The following SPEG variants were observed in gnomAD, a reference collection of about 807,000 sequenced individuals.
SPEG encodes striated muscle enriched protein kinase, also known as striated muscle preferentially expressed protein kinase.
Under a neutral mutation model 300.4 loss-of-function variants are expected in SPEG, and 114 were observed. That is an observed-to-expected ratio of 0.38 (90% CI 0.33 to 0.44). The LOEUF is 0.44. Ranked by LOEUF, SPEG falls within the 20% of genes least tolerant of loss-of-function variation. The probability of loss-of-function intolerance (pLI) is 1.00; values close to 1 mark genes in which losing one functional copy is unlikely to be tolerated. For synonymous variants in SPEG, 1,964 were observed against 2,018.9 expected, an observed-to-expected ratio of 0.97 and a Z score of 0.73; for missense variants, 4,201 against 4,586.2, an observed-to-expected ratio of 0.92 and a Z score of 2.43.
rs1691344130 is a variant in SPEG, at chr2:219,466,253, C to G, written c.2882-921C>G. On this transcript the variant is annotated intron_variant, in intron 9 of 40. Transcript: ENST00000312358. Reference sequence around the variant, plus strand: ...GGGATAGCCCATGGGCCCCTGTGGACCCTCCCTCCCCAAGTGGACACATGG... The same window carrying G: ...GGGATAGCCCATGGGCCCCTGTGGAGCCTCCCTCCCCAAGTGGACACATGG... 4 of 1,433,352 alleles carry G rather than the reference C, an allele frequency of 2.8e-6. No homozygotes were observed. In the African/African-American group the frequency reaches 5.7e-5, roughly 21 times the overall value. 88.8% of individuals were successfully genotyped at this position (1,433,352 alleles called of 1,614,324 possible). A position where few individuals can be genotyped will look rare whatever the true frequency, so the allele number is the denominator to read the frequency against.
At chr2:219,447,446 A>G (rs1689389472) in intron 3 of SPEG, among the ~76,000 whole-genome samples, 1 of 151,886 alleles carries the variant, frequency 6.6e-6, no homozygotes, top group East Asian at 1.9e-4. Flanking sequence ...GCCCCCCAAA[A>G]GGCTTGTGCC....
At position 219,477,036 on chromosome 2, in the gene SPEG, G is replaced by A. The variant is rs923798483; in HGVS notation, c.4560+54G>A. On this transcript the variant is annotated intron_variant, in intron 19 of 40. Coordinates refer to ENST00000312358, the MANE Select transcript of SPEG (RefSeq NM_005876.5). The surrounding 1 kb of genome is among the most constrained non-coding windows in gnomAD (Gnocchi z 6.4). The stretch of plus-strand genomic sequence containing the variant: ...GGGAGGGAGGAGGGGCTCCCTGGGG[G>A]CGTGGGAGGGTCCTGGAAGGCCTTA... 3.5e-5 allele frequency: 51 copies of A among 1,464,992 alleles called. No homozygotes were observed. Among genetic ancestry groups the A allele is most frequent in the Non-Finnish European group, 4.2e-5 (45 of 1,067,398 alleles). The allele number at this position is 1,464,992 out of a possible 1,614,324, so 90.7% of individuals were successfully genotyped here.
intron 39 of SPEG, 49 bp downstream of exon 39, chr2:219,491,918 TC>T: frequency 6.7e-7 from 1 of 1,498,064 alleles, no homozygotes; most frequent in Middle Eastern, 1.7e-4. Flanking sequence ...TACAGTGAGC[TC>T]CCGGACTCAC....
rs1484782681 is a variant in SPEG at position 219,448,634 on chromosome 2, G to A, written c.1476G>A (p.Leu492=). 23 of 1,484,244 alleles carry A rather than the reference G, an allele frequency of 1.5e-5. No individual in the cohort carries two copies. The East Asian group carries it at 5.7e-4, about 37-fold the overall frequency. The allele number at this position is 1,484,244 out of a possible 1,614,324, so 91.9% of individuals were successfully genotyped here. A position where few individuals can be genotyped will look rare whatever the true frequency, so the allele number is the denominator to read the frequency against. ...GCAGCCCGGCCTCAGACCTCGAGCT[G>A]CGCTTCGCCCAGGAGCTGGGCCGCA... ...RQRSPASDLE[L]RFAQELGRIR... The change falls in exon 4 of 41, where the codon CTG becomes CTA. Residue 492 remains leucine, a synonymous_variant. Coordinates refer to ENST00000312358, the MANE Select transcript of SPEG (RefSeq NM_005876.5).
At chr2:219,435,422 G>A (rs1954691534) in intron 1 of SPEG, 57 bp downstream of exon 1, 1 of 1,478,630 alleles carries the variant, frequency 6.8e-7, no homozygotes, top group Non-Finnish European at 8.9e-7. Flanking sequence ...AGGTAGAAAA[G>A]GGCTGCCCAG....
intron 3 of SPEG, among the ~76,000 whole-genome samples, chr2:219,447,330 C>A (rs1381735467): frequency 1.3e-5 from 2 of 152,204 alleles, no homozygotes; most frequent in African/African-American, 4.8e-5. Context: ...AGAGTAGGAG[C>A]CTGGGCATCC....
At chr2:219,483,001 G>A in intron 29 of SPEG, 97 bp from the exon 30 acceptor site, 1 of 1,435,408 alleles carries the variant, frequency 7.0e-7, no homozygotes, top group Non-Finnish European at 9.6e-7. Context: ...CTGACCCTCT[G>A]CATGCTCAGG....
Position 219,477,060 on chromosome 2 carries a change from TAGG to T in SPEG, c.4560+82_4560+84del, listed in dbSNP as rs1243232059. 3.0e-6 allele frequency: 4 copies of T among 1,320,134 alleles called. No homozygotes were observed. The highest frequency in any genetic ancestry group is 4.2e-6 in the Non-Finnish European group (4 of 954,734). 81.8% of individuals were successfully genotyped at this position (1,320,134 alleles called of 1,614,324 possible). On this transcript the variant is annotated intron_variant, in intron 19 of 40. Coordinates refer to ENST00000312358, the MANE Select transcript of SPEG (RefSeq NM_005876.5). The surrounding 1 kb of genome is among the most constrained non-coding windows in gnomAD (Gnocchi z 6.4). ...GGCGTGGGAGGGTCCTGGAAGGCCT[TAGG>T]AGGGCGGAGCCCGGGCAGAGGCGTG...
chr2:219,449,658 C>T (rs1407457255), intron 4 of SPEG, among the ~76,000 whole-genome samples: 1 of 152,150 alleles, frequency 6.6e-6, no homozygotes, highest in South Asian at 2.1e-4. Flanking sequence ...CTCCATACCC[C>T]CAATCCCTCT....
chr2:219,472,351 G>A lies in SPEG; in HGVS notation c.3940+20G>A. ...CCATCGGTGGGTCAGGGCTGCACAG[G>A]GCCATGGGTGGGGAAGGGGTGTGGA... On this transcript the variant is annotated intron_variant, in intron 15 of 40. Transcript: ENST00000312358. 6.3e-7 allele frequency: 1 copy of A among 1,599,652 alleles called. No individual in the cohort carries two copies. The highest frequency in any genetic ancestry group is 8.6e-7 in the Non-Finnish European group (1 of 1,167,750).
At position 219,445,013 on chromosome 2, in the gene SPEG, C is replaced by T. The variant is rs1689175417; in HGVS notation, c.667C>T (p.Arg223Trp). ...AGCACAGGCAACCGGGGCCGGGCCACGGCACCTGGGGGTGGAGCCGCTGGT... is the reference window on the plus strand; with the variant it reads ...AGCACAGGCAACCGGGGCCGGGCCATGGCACCTGGGGGTGGAGCCGCTGGT... ...RQAQATGAGP[R>W]HLGVEPLVRA... The change falls in exon 3 of 41, where the codon CGG becomes TGG. Residue 223 changes from arginine to tryptophan, a missense_variant. Physicochemically the swap from Arg to Trp is moderately radical, Grantham distance 101. This residue lies in a region of SPEG where 1,258 missense variants were observed against 1,293.9 expected (regional missense o/e 0.97). Coordinates refer to ENST00000312358, the MANE Select transcript of SPEG (RefSeq NM_005876.5). The surrounding 1 kb of genome is among the most constrained non-coding windows in gnomAD (Gnocchi z 6.1). The T allele has an allele frequency of 1.2e-6, 2 of 1,609,980 alleles. No individual in the cohort carries two copies. Among genetic ancestry groups the T allele is most frequent in the South Asian group, 2.2e-5 (2 of 90,834 alleles).
chr2:219,492,645 C>T lies in SPEG; in HGVS notation c.9663C>T (p.Ala3221=). ...TGGCCCACCCATGGTTGCAGGACGC[C>T]TACCTGATGAAGCTGCGCCGCCAGA... ...DCLAHPWLQD[A]YLMKLRRQTL... is the part of the protein sequence containing the mutation. Residue 3221 remains alanine (A), a synonymous_variant, in exon 41 of 41, where the codon GCC becomes GCT. Transcript: ENST00000312358. 1 of 1,611,408 alleles carries T rather than the reference C, an allele frequency of 6.2e-7. No homozygotes were observed. Among genetic ancestry groups the T allele is most frequent in the Non-Finnish European group, 8.5e-7 (1 of 1,180,010 alleles).
Position 219,443,434 on chromosome 2 carries a change from G to T in SPEG, c.389-1219G>T. 2.0e-6 allele frequency: 1 copy of T among 496,518 alleles called. No homozygotes were observed. Among genetic ancestry groups the T allele is most frequent in the Non-Finnish European group, 3.6e-6 (1 of 275,648 alleles). 30.8% of individuals were successfully genotyped at this position (496,518 alleles called of 1,614,324 possible). ...GGAAGGAGTTCATTGCCATGCTTTG[G>T]CAACCAGTACGTGGCTCCTGCTTGT... is the stretch of plus-strand genomic sequence containing the variant. On this transcript the variant is annotated intron_variant, in intron 1 of 40. Coordinates refer to ENST00000312358, the MANE Select transcript of SPEG (RefSeq NM_005876.5). The surrounding 1 kb of genome is among the most constrained non-coding windows in gnomAD (Gnocchi z 4.6).
intron 6 of SPEG, among the ~76,000 whole-genome samples, chr2:219,456,938 AAAAAAAGAAAAG>A (rs978330521): frequency 3.9e-5 from 2 of 50,812 alleles, no homozygotes; most frequent in African/African-American, 7.5e-5. Context: ...AAGAAAAAGA[AAAAAAAGAAAAG>A]AAAAAAGAAA....
Position 219,460,944 on chromosome 2 carries a change from G to T in SPEG, c.2441-938G>T. On this transcript the variant is annotated intron_variant, in intron 6 of 40. Transcript: ENST00000312358. The stretch of plus-strand genomic sequence containing the variant: ...CAGGCAGCAGGAGGGCCTGGTGCCA[G>T]GGCAGAGCCTTCAGGACAGGCACAG... The T allele has an allele frequency of 4.1e-6, 4 of 986,118 alleles. No individual in the cohort carries two copies. The South Asian group carries it at 1.4e-4, about 35-fold the overall frequency. The allele number at this position is 986,118 out of a possible 1,614,324, so 61.1% of individuals were successfully genotyped here.
intron 1 of SPEG, among the ~76,000 whole-genome samples, chr2:219,442,740 A>C (rs1575037893): frequency 1.6e-5 from 2 of 123,988 alleles, no homozygotes; most frequent in African/African-American, 3.2e-5. Context: ...CCTTCTCCTC[A>C]CTGAGCCTGA....
In SPEG at chr2:219,449,211, C is replaced by T. The variant is rs767316023; in HGVS notation, c.2053C>T (p.Arg685Cys). The change falls in exon 4 of 41, where the codon CGC becomes TGC. Residue 685 changes from arginine (R) to cysteine (C), a missense_variant. Physicochemically the swap from Arg to Cys is radical, Grantham distance 180. Around this residue, in one of 4 missense-constraint regions of SPEG, gnomAD observed 1,258 missense variants for 1,293.9 expected, o/e 0.97. Coordinates refer to ENST00000312358, the MANE Select transcript of SPEG (RefSeq NM_005876.5). ...EEDGPWGPWD[R>C]RGARSQGKGR... Reference sequence around the variant, plus strand: ...GGACGGTCCCTGGGGGCCCTGGGACCGCCGAGGGGCCCGCAGCCAGGGCAA... The same window carrying T: ...GGACGGTCCCTGGGGGCCCTGGGACTGCCGAGGGGCCCGCAGCCAGGGCAA... 1.4e-6 allele frequency: 2 copies of T among 1,392,336 alleles called. No homozygotes were observed. The highest frequency in any genetic ancestry group is 3.1e-5 in the East Asian group (1 of 32,566). 86.2% of individuals were successfully genotyped at this position (1,392,336 alleles called of 1,614,324 possible). A position where few individuals can be genotyped will look rare whatever the true frequency, so the allele number is the denominator to read the frequency against.
intron 31 of SPEG, among the ~76,000 whole-genome samples, chr2:219,487,903 C>T (rs1693591515): frequency 6.6e-6 from 1 of 152,198 alleles, no homozygotes; most frequent in Non-Finnish European, 1.5e-5. Context: ...TTACTTAGTG[C>T]CAGGCCCTGC....
chr2:219,479,018 C>G lies in SPEG; in HGVS notation c.5028-126C>G, dbSNP rs1189333777. On this transcript the variant is annotated intron_variant, in intron 22 of 40. Transcript: ENST00000312358. This position sits in a 1 kb window ranked among gnomAD's most constrained non-coding sequence, Gnocchi z 5.5. ...ACACGTGGAGGAGCGGAGAGGCAGT[C>G]TCTGGCTAGTATCAAGCATTCTGTA... 1 of 791,672 alleles carries G rather than the reference C, an allele frequency of 1.3e-6. No homozygotes were observed. The highest frequency in any genetic ancestry group is 1.7e-5 in the African/African-American group (1 of 59,334). The allele number at this position is 791,672 out of a possible 1,614,324, so 49.0% of individuals were successfully genotyped here.
Sources: gnomAD v4.1 joint callset for allele counts (sites outside exome capture counted in the v4.1 genomes callset) on GRCh38, gnomAD v4.1.1 for gene constraint, gnomAD v4.1.1 regional missense constraint, Gnocchi (gnomAD v3.1) non-coding constraint, MANE v1.5 for transcripts, NCBI Gene and HGNC (gene_info 2026-07-23, HGNC 2026-07-21) for gene names.